POU2F3: variants seen among roughly 807,000 people sequenced by gnomAD.
The protein encoded by POU2F3 is POU class 2 homeobox 3.
POU2F3 carries 23 observed loss-of-function variants against 59.2 expected under a neutral mutation model. The observed-to-expected ratio is 0.39, with a 90% CI of 0.28 to 0.55. The LOEUF (loss-of-function observed/expected upper bound fraction) is 0.55. POU2F3 is among the 20% of genes least tolerant of loss of function. The pLI, the probability that POU2F3 is intolerant of heterozygous loss-of-function variation, is 0.66. For missense variants in POU2F3, 473 were observed against 544.5 expected, an observed-to-expected ratio of 0.87 and a Z score of 1.31; for synonymous variants, 190 against 214.6, an observed-to-expected ratio of 0.89 and a Z score of 1.00.
rs181798872 is a variant in POU2F3, at chr11:120,296,183, A to G, written c.133-2082A>G. ...ATTAGAGTCGGAGTTAGGGCTAGAA[A>G]CAAGATCAGCATTCAATGCACATCT... On this transcript the variant is annotated intron_variant, in intron 3 of 12. Coordinates refer to ENST00000543440, the MANE Select transcript of POU2F3 (RefSeq NM_014352.4). Among the ~76,000 whole-genome samples the G allele has an allele frequency of 1.6e-3, 248 of 152,348 alleles. 1 individual carries two copies. Among genetic ancestry groups the G allele is most frequent in the African/African-American group, 5.7e-3 (238 of 41,578 alleles).
chr11:120,265,692 T>C (rs978226275), intron 2 of POU2F3, among the ~76,000 whole-genome samples: 1 of 152,216 alleles, frequency 6.6e-6, no homozygotes, highest in Non-Finnish European at 1.5e-5. Context: ...CATAATGGCA[T>C]TCACAGAAAT....
At chr11:120,259,582 G>A (rs1168348125) in intron 2 of POU2F3, among the ~76,000 whole-genome samples, 1 of 152,160 alleles carries the variant, frequency 6.6e-6, no homozygotes, top group East Asian at 1.9e-4. Flanking sequence ...GTCCCTCATG[G>A]GGCCTCCTGG....
chr11:120,250,175 TC>T (rs1939040100), intron 2 of POU2F3: 1 of 152,304 alleles, frequency 6.6e-6, no homozygotes, highest in Non-Finnish European at 1.5e-5. Flanking sequence ...TCTCTCTCCA[TC>T]CTTTTTCCTG....
At chr11:120,280,589 C>A (rs1461792636) in intron 3 of POU2F3, among the ~76,000 whole-genome samples, 1 of 151,940 alleles carries the variant, frequency 6.6e-6, no homozygotes, top group Admixed American at 6.6e-5. Context: ...CCATACCAGG[C>A]TGCTTTTGAG....
chr11:120,317,644 C>T (rs1026060471), intron 12 of POU2F3, among the ~76,000 whole-genome samples: 4 of 152,212 alleles, frequency 2.6e-5, no homozygotes, highest in African/African-American at 9.7e-5. Context: ...TCCAAACACT[C>T]ATGTCAGAAA....
At chr11:120,252,815 G>T (rs1939169916) in intron 2 of POU2F3, among the ~76,000 whole-genome samples, 1 of 152,170 alleles carries the variant, frequency 6.6e-6, no homozygotes, top group Non-Finnish European at 1.5e-5. Context: ...GGATTGTATG[G>T]TTCAGATGAG....
intron 3 of POU2F3, among the ~76,000 whole-genome samples, chr11:120,288,782 A>ATACATACGCACATGTATGTAT (rs1252587892): frequency 5.4e-4 from 71 of 131,766 alleles, no homozygotes; most frequent in Non-Finnish European, 8.9e-4. Context: ...CTTTAAATAT[A>ATACATACGCACATGTATGTAT]TACATACGCA....
intron 2 of POU2F3, among the ~76,000 whole-genome samples, chr11:120,255,751 G>A (rs1286908033): frequency 6.6e-6 from 1 of 152,040 alleles, no homozygotes; most frequent in Non-Finnish European, 1.5e-5. Context: ...CAGGAGAGCC[G>A]GCTGGGTCTC....
At chr11:120,252,863 C>T (rs1939173431) in intron 2 of POU2F3, among the ~76,000 whole-genome samples, 1 of 152,200 alleles carries the variant, frequency 6.6e-6, no homozygotes, top group Non-Finnish European at 1.5e-5. Flanking sequence ...ACACCATTCC[C>T]TCTTCCTCTT....
chr11:120,277,612 C>T (rs1940386027), intron 3 of POU2F3, among the ~76,000 whole-genome samples: 1 of 151,758 alleles, frequency 6.6e-6, no homozygotes, highest in South Asian at 2.1e-4. Flanking sequence ...CCCATCTCTA[C>T]TAAAATTGCA....
chr11:120,240,592 C>A (rs1444684690), intron 1 of POU2F3, among the ~76,000 whole-genome samples: 1 of 139,616 alleles, frequency 7.2e-6, no homozygotes, highest in Non-Finnish European at 1.5e-5. Context: ...AGGGTGGGGG[C>A]TGGTGAAGGG....
At chr11:120,302,044 G>A (rs537850715) in intron 5 of POU2F3, 111 of 464,666 alleles carry the variant, frequency 2.4e-4, no homozygotes, top group Non-Finnish European at 4.0e-4. Flanking sequence ...CAGGTGGAAG[G>A]ACTGGTTTGG....
chr11:120,279,330 C>T (rs916553594), intron 3 of POU2F3, among the ~76,000 whole-genome samples: 18 of 152,042 alleles, frequency 1.2e-4, no homozygotes, highest in African/African-American at 3.9e-4. Flanking sequence ...CTAGGGATGG[C>T]GTAAGAATGA....
chr11:120,311,039 G>T (rs776521684), intron 10 of POU2F3, among the ~76,000 whole-genome samples: 22 of 152,198 alleles, frequency 1.4e-4, no homozygotes, highest in Non-Finnish European at 2.9e-4. Context: ...GCAAATAAAT[G>T]TGGGTGGAGC....
At chr11:120,238,588 G>A (rs1938556622), upstream of POU2F3, among the ~76,000 whole-genome samples, 1 of 152,174 alleles carries the variant, frequency 6.6e-6, no homozygotes, top group Admixed American at 6.5e-5. Flanking sequence ...TGTCATCCCA[G>A]CACTTTGGGA....
At chr11:120,309,381 G>A in intron 9 of POU2F3, 44 bp from the exon 10 acceptor site, 1 of 1,547,304 alleles carries the variant, frequency 6.5e-7, no homozygotes, top group East Asian at 2.3e-5. Context: ...CCCTGCCCCT[G>A]ATTCCCTTCT....
At chr11:120,302,229 G>C in intron 5 of POU2F3, 57 bp from the exon 6 acceptor site, 1 of 1,474,426 alleles carries the variant, frequency 6.8e-7, no homozygotes, top group Non-Finnish European at 9.4e-7. Context: ...TAGCACATGT[G>C]TTTCAAATAG....
upstream of POU2F3, among the ~76,000 whole-genome samples, chr11:120,239,695 G>A (rs1410672569): frequency 6.6e-6 from 1 of 152,226 alleles, no homozygotes; most frequent in African/African-American, 2.4e-5. Context: ...TGAGTTAAAT[G>A]AGCTCAGGGA....
intron 3 of POU2F3, among the ~76,000 whole-genome samples, chr11:120,271,711 C>G (rs901444699): frequency 4.6e-5 from 7 of 152,200 alleles, no homozygotes; most frequent in African/African-American, 1.7e-4. Context: ...CTGGGAGGCC[C>G]CTGACCCTTG....
Sources: allele counts gnomAD v4.1 joint callset (sites outside exome capture counted in the v4.1 genomes callset), GRCh38; gene constraint gnomAD v4.1.1; transcripts MANE v1.5; gene names NCBI Gene and HGNC (gene_info 2026-07-23, HGNC 2026-07-21).